Variants in SLC7A8 observed in about 807,000 individuals in gnomAD.
SLC7A8 encodes the protein large neutral amino acids transporter small subunit 2.
Under a neutral mutation model 51.2 loss-of-function variants are expected in SLC7A8, and 30 were observed. The observed-to-expected ratio is 0.59, with a 90% confidence interval of 0.44 to 0.80. The LOEUF is 0.80. SLC7A8 is among the 30% of genes least tolerant of loss of function. The probability of loss-of-function intolerance (pLI) is 0.00; values close to 1 mark genes in which losing one functional copy is unlikely to be tolerated. For synonymous variants in SLC7A8, 257 were observed against 275.8 expected (o/e 0.93, Z 0.67); for missense variants, 612 against 674.4 (o/e 0.91, Z 1.03).
At chr14:23,136,536 C>G (rs2048691864) in intron 7 of SLC7A8, among the ~76,000 whole-genome samples, 1 of 152,126 alleles carries the variant, frequency 6.6e-6, no homozygotes, top group South Asian at 2.1e-4. Flanking sequence ...CTCTCCCTAC[C>G]CGAGAACACA....
In SLC7A8 at chr14:23,154,441, G is replaced by A. The variant is rs115361369; in HGVS notation, c.508+10844C>T. On this transcript the variant is annotated intron_variant, in intron 3 of 10. Coordinates refer to ENST00000316902, the MANE Select transcript of SLC7A8 (RefSeq NM_012244.4). ...GGAAGCCGGGCCTGTGGGGGCGTGG[G>A]TGTGGCTACGCTCGGCTCTGTGATT... is the stretch of plus-strand genomic sequence containing the variant. 4.4e-3 allele frequency: 4,348 copies of A among 988,720 alleles called. 149 individuals carry two copies. The African/African-American group carries it at 0.07, about 16-fold the overall frequency. 61.2% of individuals were successfully genotyped at this position (988,720 alleles called of 1,614,324 possible).
intron 3 of SLC7A8, chr14:23,155,420 C>T (rs956475918): frequency 7.3e-5 from 105 of 1,442,600 alleles, no homozygotes; most frequent in African/African-American, 4.0e-4. Flanking sequence ...TTAGCTCCTG[C>T]GCCAGCTGCT....
Position 23,128,324 on chromosome 14 carries a change from T to C in SLC7A8, c.1264-128A>G, listed in dbSNP as rs773214099. 3.9e-6 allele frequency: 6 copies of C among 1,544,446 alleles called. No homozygotes were observed. In the African/African-American group the frequency reaches 8.2e-5, roughly 21 times the overall value. On this transcript the variant is annotated intron_variant, in intron 9 of 10. Transcript: ENST00000316902. This position sits in a 1 kb window ranked among gnomAD's most constrained non-coding sequence, Gnocchi z 4.3. ...CTCAAGGGCAAAGGCTGGGCTTCCC[T>C]CGGCTCTGTGGTCCCACACTCACCC... is the stretch of plus-strand genomic sequence containing the variant.
chr14:23,155,266 G>A (rs985934386), intron 3 of SLC7A8: 2 of 1,535,974 alleles, frequency 1.3e-6, no homozygotes, highest in African/African-American at 2.7e-5. Context: ...AGAGGAGGAG[G>A]GTGCAGAGAA....
intron 1 of SLC7A8, among the ~76,000 whole-genome samples, chr14:23,182,266 C>T (rs913651004): frequency 6.6e-6 from 1 of 152,160 alleles, no homozygotes; most frequent in African/African-American, 2.4e-5. Flanking sequence ...GTGGAAAACG[C>T]TAAAATAAAA....
At chr14:23,147,367 G>A (rs757822721) in intron 3 of SLC7A8, among the ~76,000 whole-genome samples, 9 of 152,174 alleles carry the variant, frequency 5.9e-5, no homozygotes, top group South Asian at 4.1e-4. Flanking sequence ...TAACAGGGAC[G>A]ACGGGTGAAG....
chr14:23,180,997 A>C (rs928815820), intron 1 of SLC7A8, among the ~76,000 whole-genome samples: 3 of 152,104 alleles, frequency 2.0e-5, no homozygotes, highest in Non-Finnish European at 2.9e-5. Context: ...ACTGCACTCC[A>C]GCCTGGGCCA....
intron 3 of SLC7A8, among the ~76,000 whole-genome samples, chr14:23,152,991 C>A (rs1424796492): frequency 1.3e-5 from 2 of 152,204 alleles, no homozygotes; most frequent in Non-Finnish European, 2.9e-5. Context: ...TTGGGACTCT[C>A]CTTGTAGTCA....
chr14:23,178,150 A>C (rs959591797), intron 1 of SLC7A8, among the ~76,000 whole-genome samples: 2 of 152,200 alleles, frequency 1.3e-5, no homozygotes, highest in African/African-American at 4.8e-5. Context: ...ATGACAAATA[A>C]GTTCAGGTAT....
Position 23,182,973 on chromosome 14 carries a change from T to G in SLC7A8, c.-59A>C. 6.2e-7 allele frequency: 1 copy of G among 1,607,490 alleles called. No individual in the cohort carries two copies. The highest frequency in any genetic ancestry group is 1.7e-5 in the Admixed American group (1 of 59,932). Reference sequence around the variant, plus strand: ...CTCCCTTTCTAAATGCGTATTCGTGTAAATATATTGGGAGAGAGCTTTGAA... The same window carrying G: ...CTCCCTTTCTAAATGCGTATTCGTGGAAATATATTGGGAGAGAGCTTTGAA... On this transcript the variant is annotated 5_prime_UTR_variant, in exon 1 of 11. Coordinates refer to ENST00000316902, the MANE Select transcript of SLC7A8 (RefSeq NM_012244.4).
At chr14:23,140,439 G>C (rs1184272858) in intron 5 of SLC7A8, 32 bp downstream of exon 5, 1 of 1,576,986 alleles carries the variant, frequency 6.3e-7, no homozygotes, top group East Asian at 2.3e-5. Context: ...GCCCTTCAAG[G>C]GAGAGGGAAT....
intron 7 of SLC7A8, among the ~76,000 whole-genome samples, chr14:23,137,216 G>A (rs559255538): frequency 3.3e-5 from 5 of 152,212 alleles, no homozygotes; most frequent in Admixed American, 6.5e-5. Context: ...CCTGGGACTC[G>A]TGGACCCGCT....
intron 5 of SLC7A8, 77 bp from the exon 6 acceptor site, chr14:23,139,624 T>C (rs1289058871): frequency 6.6e-7 from 1 of 1,518,270 alleles, no homozygotes; most frequent in African/African-American, 1.4e-5. Flanking sequence ...GGGGGTGTCT[T>C]CTGTCTTTCT....
chr14:23,138,243 GTAA>G (rs34812438), intron 6 of SLC7A8: 6,328 of 537,756 alleles, frequency 0.012, 324 homozygotes, highest in African/African-American at 0.11. Context: ...GTACACACTG[GTAA>G]TAATAATAAT....
Position 23,182,939 on chromosome 14 carries a change from A to G in SLC7A8, c.-25T>C, listed in dbSNP as rs1373632103. ...TCCTTCTCAGTAGGATTGCAACCTC[A>G]AAAGCTGCCTCCCTTTCTAAATGCG... On this transcript the variant is annotated 5_prime_UTR_variant, in exon 1 of 11. Transcript: ENST00000316902. The G allele has an allele frequency of 1.2e-6, 2 of 1,613,862 alleles. No homozygotes were observed. Among genetic ancestry groups the G allele is most frequent in the Non-Finnish European group, 1.7e-6 (2 of 1,179,966 alleles).
At chr14:23,155,109 T>C in intron 3 of SLC7A8, 2 of 1,481,064 alleles carry the variant, frequency 1.4e-6, no homozygotes, top group Non-Finnish European at 1.8e-6. Context: ...AGATCTTGCC[T>C]ATCGCACGAT....
At chr14:23,164,497 T>C (rs1416403345) in intron 3 of SLC7A8, among the ~76,000 whole-genome samples, 2 of 152,196 alleles carry the variant, frequency 1.3e-5, no homozygotes, top group African/African-American at 2.4e-5. Flanking sequence ...GCTTACCTCA[T>C]GGACTTGTCA....
At chr14:23,134,066 A>G (rs1279207843) in intron 7 of SLC7A8, among the ~76,000 whole-genome samples, 1 of 152,040 alleles carries the variant, frequency 6.6e-6, no homozygotes, top group Non-Finnish European at 1.5e-5. Flanking sequence ...TCAGTCTTCC[A>G]AGTAGCTGGG....
intron 1 of SLC7A8, among the ~76,000 whole-genome samples, chr14:23,171,948 C>T (rs1164935376): frequency 6.6e-6 from 1 of 152,210 alleles, no homozygotes; most frequent in Non-Finnish European, 1.5e-5. Context: ...CTGCAGAACA[C>T]TGCTCTTCTG....
Sources: gnomAD v4.1 joint callset for allele counts (sites outside exome capture counted in the v4.1 genomes callset) on GRCh38, gnomAD v4.1.1 for gene constraint, Gnocchi (gnomAD v3.1) non-coding constraint, MANE v1.5 for transcripts, NCBI Gene and HGNC (gene_info 2026-07-23, HGNC 2026-07-21) for gene names.